Variants in ADA2 observed in about 807,000 individuals in gnomAD.
ADA2 encodes the protein adenosine deaminase 2, also known as adenosine deaminase CECR1.
Under a neutral mutation model 44.2 loss-of-function variants are expected in ADA2, and 29 were observed. That is an observed-to-expected ratio of 0.66 (90% CI 0.49 to 0.89). ADA2 has a LOEUF of 0.89. Ranked by LOEUF, ADA2 falls within the 40% of genes least tolerant of loss-of-function variation. The pLI, the probability that ADA2 is intolerant of heterozygous loss-of-function variation, is 0.00. For synonymous variants in ADA2, 215 were observed against 234.9 expected (o/e 0.92, Z 0.77); for missense variants, 637 against 644.8 (o/e 0.99, Z 0.13).
chr22:17,210,745 G>A (rs770102409), intron 1 of ADA2, among the ~76,000 whole-genome samples: 4 of 151,770 alleles, frequency 2.6e-5, no homozygotes, highest in Non-Finnish European at 5.9e-5. Context: ...CTACAGGCAC[G>A]CGTCACCATA....
rs1298703102 is a variant in ADA2 at position 17,203,504 on chromosome 22, G to T, written c.753+59C>A. The stretch of plus-strand genomic sequence containing the variant: ...GAGCATTCAGTCTTCTACCAGCTAA[G>T]ATCTGAGTCAGGCCAGAGCAAAGGA... On this transcript the variant is annotated intron_variant, in intron 4 of 9. Coordinates refer to ENST00000399837, the MANE Select transcript of ADA2 (RefSeq NM_001282225.2). The T allele has an allele frequency of 1.1e-5, 15 of 1,378,176 alleles. No homozygotes were observed. In the African/African-American group the frequency reaches 2.0e-4, roughly 18 times the overall value. 85.4% of individuals were successfully genotyped at this position (1,378,176 alleles called of 1,614,324 possible). A position where few individuals can be genotyped will look rare whatever the true frequency, so the allele number is the denominator to read the frequency against.
rs1356054850 is a variant in ADA2, at chr22:17,209,815, G to A, written c.-46-92C>T. The A allele has an allele frequency of 7.4e-6, 5 of 674,492 alleles. No homozygotes were observed. In the African/African-American group the frequency reaches 9.1e-5, roughly 12 times the overall value. The allele number at this position is 674,492 out of a possible 1,614,324, so 41.8% of individuals were successfully genotyped here. On this transcript the variant is annotated intron_variant, in intron 1 of 9. Transcript: ENST00000399837. ...CGCCCTGCTCTCAGATTACCAGAAG[G>A]CAAGATATTGAAGGATTCTTCTTCC...
intron 2 of ADA2, among the ~76,000 whole-genome samples, chr22:17,207,754 T>C (rs1274503777): frequency 6.6e-6 from 1 of 152,044 alleles, no homozygotes; most frequent in Non-Finnish European, 1.5e-5. Context: ...CACCCAACAC[T>C]GCATGACGGG....
chr22:17,214,470 C>T (rs910696495), intron 1 of ADA2, among the ~76,000 whole-genome samples: 4 of 152,190 alleles, frequency 2.6e-5, no homozygotes, highest in African/African-American at 9.7e-5. Flanking sequence ...TTTTTATCCC[C>T]GAGTTGCATC....
chr22:17,188,723 C>G (rs564809256), intron 6 of ADA2: 4 of 213,568 alleles, frequency 1.9e-5, no homozygotes, highest in Non-Finnish European at 2.8e-5. Context: ...ACTAAAAATA[C>G]AAAAAATTAT....
At chr22:17,215,156 A>T (rs984846034) in intron 1 of ADA2, among the ~76,000 whole-genome samples, 5 of 152,232 alleles carry the variant, frequency 3.3e-5, no homozygotes, top group African/African-American at 1.2e-4. Flanking sequence ...GGACATACAT[A>T]CTGAAAGAAT....
intron 4 of ADA2, among the ~76,000 whole-genome samples, chr22:17,195,328 A>G (rs987667186): frequency 1.3e-5 from 2 of 152,110 alleles, no homozygotes; most frequent in African/African-American, 4.8e-5. Context: ...CAGGAGTTGG[A>G]GACTATCCTG....
intron 1 of ADA2, chr22:17,214,136 CCA>C: frequency 1.4e-6 from 1 of 739,850 alleles, no homozygotes; most frequent in Admixed American, 1.9e-5. Context: ...CATTACATTC[CCA>C]GAGTCAGCTG....
rs1437000359 is a variant in ADA2, at chr22:17,207,179, T to A, written c.434A>T (p.Gln145Leu). The stretch of plus-strand genomic sequence containing the variant: ...GGGAGTTGGGTGAGCAAATCTGAAC[T>A]GCATGATCCCCCTTGGGGTGAAACA... ...HICFTPRGIMQFRFAHPTPRP... is the reference protein window; with the variant it reads ...HICFTPRGIMLFRFAHPTPRP... Residue 145 changes from glutamine (Q) to leucine (L), a missense_variant, in exon 3 of 10, where the codon CAG (glutamine) becomes CTG (leucine). By Grantham distance (113) the Gln-to-Leu change is moderately radical. Coordinates refer to ENST00000399837, the MANE Select transcript of ADA2 (RefSeq NM_001282225.2). 1.2e-6 allele frequency: 2 copies of A among 1,614,108 alleles called. No individual in the cohort carries two copies.
chr22:17,219,072 G>T (rs1447762423), intron 1 of ADA2, among the ~76,000 whole-genome samples: 1 of 152,208 alleles, frequency 6.6e-6, no homozygotes, highest in Non-Finnish European at 1.5e-5. Flanking sequence ...CACAAGAATG[G>T]CTTGAACTCG....
chr22:17,218,837 C>G (rs2062497376), intron 1 of ADA2, among the ~76,000 whole-genome samples: 1 of 152,298 alleles, frequency 6.6e-6, no homozygotes, highest in Middle Eastern at 3.4e-3. Context: ...TGCATGAAAA[C>G]TTCATAAAGT....
At chr22:17,203,025 C>T (rs1459167649) in intron 4 of ADA2, among the ~76,000 whole-genome samples, 3 of 151,740 alleles carry the variant, frequency 2.0e-5, no homozygotes, top group African/African-American at 4.8e-5. Context: ...CTGCCTGCCT[C>T]GGCCTCCCAA....
chr22:17,197,276 T>C (rs1315639386), intron 4 of ADA2, among the ~76,000 whole-genome samples: 2 of 151,632 alleles, frequency 1.3e-5, no homozygotes, highest in African/African-American at 2.4e-5. Flanking sequence ...TTTCTTTTTT[T>C]TTTTTGTCTG....
chr22:17,221,327 G>A (rs1419452351), upstream of ADA2, among the ~76,000 whole-genome samples: 4 of 152,002 alleles, frequency 2.6e-5, no homozygotes, highest in Admixed American at 1.3e-4. Context: ...TAGGGTACAT[G>A]TGCACAATGT....
chr22:17,193,526 G>A (rs2062150711), intron 4 of ADA2, among the ~76,000 whole-genome samples: 1 of 151,572 alleles, frequency 6.6e-6, no homozygotes, highest in Non-Finnish European at 1.5e-5. Flanking sequence ...TTAGCCGGGT[G>A]TGGTGGTGCG....
chr22:17,181,787 G>T, intron 9 of ADA2, 33 bp downstream of exon 9: 1 of 1,575,382 alleles, frequency 6.3e-7, no homozygotes, highest in Non-Finnish European at 8.7e-7. Flanking sequence ...GCTGGAAGGA[G>T]GCGGGGGACC....
intron 1 of ADA2, chr22:17,213,393 G>A (rs935391324): frequency 3.6e-5 from 6 of 166,622 alleles, no homozygotes; most frequent in Admixed American, 6.4e-5. Flanking sequence ...GTACTCGGAT[G>A]CTTATTGCAG....
intron 8 of ADA2, 91 bp from the exon 9 acceptor site, chr22:17,182,113 CCTTCATCTT>C: frequency 1.0e-6 from 1 of 953,298 alleles, no homozygotes; most frequent in South Asian, 1.6e-5. Flanking sequence ...CCATCAGCTC[CCTTCATCTT>C]CCCATCACTA....
chr22:17,198,204 C>T (rs915098054), intron 4 of ADA2, among the ~76,000 whole-genome samples: 2 of 152,180 alleles, frequency 1.3e-5, no homozygotes, highest in Non-Finnish European at 2.9e-5. Flanking sequence ...AGTGACATCT[C>T]AGCCCTGGCG....
Sources: gnomAD v4.1 joint callset for allele counts (sites outside exome capture counted in the v4.1 genomes callset) on GRCh38, gnomAD v4.1.1 for gene constraint, MANE v1.5 for transcripts, NCBI Gene and HGNC (gene_info 2026-07-23, HGNC 2026-07-21) for gene names.